Variants in EIF2AK2 observed in about 807,000 individuals in gnomAD.
The protein encoded by EIF2AK2 is interferon-induced, double-stranded RNA-activated protein kinase.
In EIF2AK2, 40 loss-of-function variants were observed where a neutral mutation model predicts 70.5. That is an observed-to-expected ratio of 0.57 (90% CI 0.44 to 0.74). EIF2AK2 has a LOEUF of 0.74. Among genes scored for constraint, EIF2AK2 ranks in the 30% least tolerant of loss-of-function variants. The pLI is 0.00. For synonymous variants in EIF2AK2, 198 were observed against 220.9 expected (o/e 0.90, Z 0.92); for missense variants, 555 against 644.3 (o/e 0.86, Z 1.50).
intron 10 of EIF2AK2, 130 bp from the exon 11 acceptor site, chr2:37,126,541 A>G (rs1674736758): frequency 2.2e-6 from 3 of 1,351,896 alleles, no homozygotes; most frequent in Non-Finnish European, 3.0e-6. Flanking sequence ...CTCCTTCTGA[A>G]TAAGAAAGAT....
rs1458437353 is a variant in EIF2AK2, at chr2:37,100,476, A to G, written c.*6797T>C. The G allele has an allele frequency of 6.6e-6, 1 of 152,244 alleles. No individual in the cohort carries two copies. The highest frequency in any genetic ancestry group is 1.5e-5 in the Non-Finnish European group (1 of 68,038). 9.4% of individuals were successfully genotyped at this position (152,244 alleles called of 1,614,324 possible). Reference sequence around the variant, plus strand: ...CCCATAAGAGCCACACAGATTTGAGAAGCATTTTATTTGCCTCACAGTTTT... The same window carrying G: ...CCCATAAGAGCCACACAGATTTGAGGAGCATTTTATTTGCCTCACAGTTTT... On this transcript the variant is annotated 3_prime_UTR_variant, in exon 17 of 17. Coordinates refer to ENST00000233057, the MANE Select transcript of EIF2AK2 (RefSeq NM_001135651.3).
intron 10 of EIF2AK2, among the ~76,000 whole-genome samples, chr2:37,134,943 G>A (rs900353443): frequency 1.3e-5 from 2 of 152,124 alleles, no homozygotes; most frequent in African/African-American, 4.8e-5. Flanking sequence ...TGGCTGCCTT[G>A]GATATAACCT....
At chr2:37,115,838 G>C (rs1348432288) in intron 13 of EIF2AK2, among the ~76,000 whole-genome samples, 1 of 151,836 alleles carries the variant, frequency 6.6e-6, no homozygotes, top group African/African-American at 2.4e-5. Flanking sequence ...AACTAGCTCT[G>C]AAATATTTTT....
In EIF2AK2 at chr2:37,099,957, T is replaced by C. The variant is rs1001726504; in HGVS notation, c.*7316A>G. ...TGGGCAAATCTATAGAGATGGAGAG[T>C]AGATTAGTGGTTACCTAGAGTTGTG... On this transcript the variant is annotated 3_prime_UTR_variant, in exon 17 of 17. Coordinates refer to ENST00000233057, the MANE Select transcript of EIF2AK2 (RefSeq NM_001135651.3). 1 of 152,018 alleles carries C rather than the reference T, an allele frequency of 6.6e-6. No individual in the cohort carries two copies. Among genetic ancestry groups the C allele is most frequent in the South Asian group, 2.1e-4 (1 of 4,826 alleles). 9.4% of individuals were successfully genotyped at this position (152,018 alleles called of 1,614,324 possible). A position where few individuals can be genotyped will look rare whatever the true frequency, so the allele number is the denominator to read the frequency against.
intron 1 of EIF2AK2, among the ~76,000 whole-genome samples, chr2:37,152,861 T>C (rs567770592): frequency 8.3e-4 from 127 of 152,342 alleles, no homozygotes; most frequent in African/African-American, 2.8e-3. Context: ...CCAAGCTGGT[T>C]TGAAGTTTCC....
rs56051707 is a variant in EIF2AK2 at position 37,145,742 on chromosome 2, CTTTTTTTTTTTTTTTTTTTTT to C, written c.240+1090_240+1110del. Among the ~76,000 whole-genome samples, 173 of 51,222 alleles carry C rather than the reference CTTTTTTTTTTTTTTTTTTTTT, an allele frequency of 3.4e-3. 2 individuals are homozygous for C. In the Middle Eastern group the frequency reaches 0.042, roughly 12 times the overall value. The allele number at this position is 51,222 out of a possible 152,430, so 33.6% of individuals were successfully genotyped here. A position where few individuals can be genotyped will look rare whatever the true frequency, so the allele number is the denominator to read the frequency against. On this transcript the variant is annotated intron_variant, in intron 4 of 16. Transcript: ENST00000233057. ...CTTATATGGGTGTACTTTTGCTTGT[CTTTTTTTTTTTTTTTTTTTTT>C]TTTTTTTTTTTTTTTTTTGAGATAG...
chr2:37,133,346 C>G (rs748681029), intron 10 of EIF2AK2, among the ~76,000 whole-genome samples: 1 of 152,144 alleles, frequency 6.6e-6, no homozygotes, highest in Non-Finnish European at 1.5e-5. Flanking sequence ...CTAACAACCC[C>G]TCTCATTTCT....
In EIF2AK2 at chr2:37,156,942, C is replaced by G. The variant is rs57835937; in HGVS notation, c.-218G>C. ...CGCCGCCGCCGCCGCCGCCGCCGGCCGGAGACCCGCGGCTTCGGGAGAGCT... is the reference window on the plus strand; with the variant it reads ...CGCCGCCGCCGCCGCCGCCGCCGGCGGGAGACCCGCGGCTTCGGGAGAGCT... On this transcript the variant is annotated 5_prime_UTR_variant, in exon 1 of 17. Transcript: ENST00000233057. The G allele has an allele frequency of 1.9e-4, 36 of 187,678 alleles. No homozygotes were observed. Among genetic ancestry groups the G allele is most frequent in the Admixed American group, 1.4e-3 (22 of 16,272 alleles). 11.6% of individuals were successfully genotyped at this position (187,678 alleles called of 1,614,324 possible). A position where few individuals can be genotyped will look rare whatever the true frequency, so the allele number is the denominator to read the frequency against.
intron 2 of EIF2AK2, 30 bp from the exon 3 acceptor site, chr2:37,147,852 A>T: frequency 6.9e-7 from 1 of 1,440,370 alleles, no homozygotes; most frequent in Non-Finnish European, 9.7e-7. Context: ...TGAATGAGTG[A>T]TGCTCACAGA....
At chr2:37,144,957 G>C (rs536535751) in intron 4 of EIF2AK2, among the ~76,000 whole-genome samples, 1 of 151,940 alleles carries the variant, frequency 6.6e-6, no homozygotes, top group Admixed American at 6.5e-5. Context: ...CACAATCATG[G>C]CTCCTCGACA....
At chr2:37,154,864 G>C (rs1675868988) in intron 1 of EIF2AK2, among the ~76,000 whole-genome samples, 1 of 151,950 alleles carries the variant, frequency 6.6e-6, no homozygotes, top group Non-Finnish European at 1.5e-5. Flanking sequence ...ACCTGGGCCT[G>C]GTTTTCTTCT....
At chr2:37,130,708 A>C (rs1184322514) in intron 10 of EIF2AK2, among the ~76,000 whole-genome samples, 6 of 152,190 alleles carry the variant, frequency 3.9e-5, no homozygotes, top group Non-Finnish European at 7.3e-5. Flanking sequence ...ACTCACCTGG[A>C]CTGTCTTCCC....
intron 9 of EIF2AK2, 24 bp from the exon 10 acceptor site, chr2:37,135,570 A>C (rs760163422): frequency 2.5e-6 from 4 of 1,571,844 alleles, no homozygotes; most frequent in Non-Finnish European, 3.5e-6. Flanking sequence ...GTTGAATGTA[A>C]AACTCAAATA....
At chr2:37,123,470 G>T (rs1053020529) in intron 11 of EIF2AK2, among the ~76,000 whole-genome samples, 1 of 151,958 alleles carries the variant, frequency 6.6e-6, no homozygotes, top group Non-Finnish European at 1.5e-5. Flanking sequence ...GTTTTGCCAC[G>T]CTGCCCATGC....
intron 4 of EIF2AK2, among the ~76,000 whole-genome samples, chr2:37,142,297 A>T (rs1675361990): frequency 6.6e-6 from 1 of 151,766 alleles, no homozygotes; most frequent in Admixed American, 6.6e-5. Context: ...TGCCTGGGTA[A>T]TTTTTTTGTA....
chr2:37,110,328 T>C (rs924180553), intron 14 of EIF2AK2, among the ~76,000 whole-genome samples: 2 of 151,662 alleles, frequency 1.3e-5, no homozygotes, highest in Admixed American at 1.3e-4. Context: ...CCCCTTGACC[T>C]GAGGTGATCT....
intron 8 of EIF2AK2, 49 bp from the exon 9 acceptor site, chr2:37,137,066 T>C (rs1381950060): frequency 1.3e-6 from 2 of 1,524,804 alleles, no homozygotes; most frequent in Non-Finnish European, 1.8e-6. Flanking sequence ...AAATCAGTCA[T>C]CTTCCTTTCC....
At position 37,107,530 on chromosome 2, in the gene EIF2AK2, G is replaced by C; in HGVS notation, c.1480-3C>G. ...CCATCCCGTAGGTCTGTGAAAAACT[G>C]GAAAAAAAAATGATAGGTGTATATT... On this transcript the variant is annotated splice_polypyrimidine_tract_variant and splice_region_variant and intron_variant, in intron 15 of 16. Transcript: ENST00000233057. 1 of 1,598,878 alleles carries C rather than the reference G, an allele frequency of 6.3e-7. No individual in the cohort carries two copies. Among genetic ancestry groups the C allele is most frequent in the African/African-American group, 1.4e-5 (1 of 73,646 alleles).
At chr2:37,109,084 A>G in intron 15 of EIF2AK2, 110 bp downstream of exon 15, 1 of 843,834 alleles carries the variant, frequency 1.2e-6, no homozygotes, top group South Asian at 1.8e-5. Context: ...GTCAGATACT[A>G]ATATGCTCAA....
Sources: allele counts gnomAD v4.1 joint callset (sites outside exome capture counted in the v4.1 genomes callset), GRCh38; gene constraint gnomAD v4.1.1; transcripts MANE v1.5; gene names NCBI Gene and HGNC (gene_info 2026-07-23, HGNC 2026-07-21).